Variants in HECW2 observed in about 807,000 individuals in gnomAD.
HECW2 encodes the protein HECT, C2 and WW domain containing E3 ubiquitin protein ligase 2.
Under a neutral mutation model 175.2 loss-of-function variants are expected in HECW2, and 61 were observed. That is an observed-to-expected ratio of 0.35 (90% CI 0.28 to 0.43). HECW2 has a LOEUF of 0.43. Ranked by LOEUF, HECW2 falls within the 20% of genes least tolerant of loss-of-function variation. The probability of loss-of-function intolerance (pLI) is 1.00; values close to 1 mark genes in which losing one functional copy is unlikely to be tolerated. For synonymous variants in HECW2, 671 were observed against 731.0 expected (o/e 0.92, Z 1.32); for missense variants, 1,524 against 2,000.5 (o/e 0.76, Z 4.54).
At chr2:196,474,945 G>A (rs771843753) in intron 1 of HECW2, among the ~76,000 whole-genome samples, 36 of 152,200 alleles carry the variant, frequency 2.4e-4, no homozygotes, top group African/African-American at 7.2e-4. Context: ...TCACACGCCC[G>A]CACCTGATCC....
At chr2:196,229,858 T>A (rs1687985924) in intron 21 of HECW2, among the ~76,000 whole-genome samples, 1 of 152,254 alleles carries the variant, frequency 6.6e-6, no homozygotes, top group Non-Finnish European at 1.5e-5. Flanking sequence ...TCTTACACAA[T>A]CTTTATAAAG....
chr2:196,267,303 T>C (rs1689554356), intron 17 of HECW2, among the ~76,000 whole-genome samples: 1 of 152,236 alleles, frequency 6.6e-6, no homozygotes, highest in South Asian at 2.1e-4. Flanking sequence ...CATTCACCTA[T>C]AAAATACTGT....
intron 10 of HECW2, among the ~76,000 whole-genome samples, chr2:196,312,644 C>T (rs914594328): frequency 6.6e-6 from 1 of 152,076 alleles, no homozygotes; most frequent in African/African-American, 2.4e-5. Context: ...ATGCTGATGG[C>T]GTGGCCTGCC....
At chr2:196,320,917 G>T (rs909251599) in intron 7 of HECW2, among the ~76,000 whole-genome samples, 2 of 152,238 alleles carry the variant, frequency 1.3e-5, no homozygotes, top group African/African-American at 4.8e-5. Flanking sequence ...AACATGGCAC[G>T]TAGGGCACTG....
At chr2:196,367,897 G>T (rs1693791418) in intron 2 of HECW2, among the ~76,000 whole-genome samples, 1 of 138,710 alleles carries the variant, frequency 7.2e-6, no homozygotes, top group Non-Finnish European at 1.5e-5. Flanking sequence ...TGTGTGTATG[G>T]TACATAGATA....
chr2:196,354,498 G>A (rs372726987), intron 2 of HECW2, among the ~76,000 whole-genome samples: 1 of 152,222 alleles, frequency 6.6e-6, no homozygotes, highest in East Asian at 1.9e-4. Context: ...ACTAGACAGG[G>A]TGCCTCCTGC....
chr2:196,295,366 T>C (rs1690770391), intron 13 of HECW2, among the ~76,000 whole-genome samples: 1 of 152,210 alleles, frequency 6.6e-6, no homozygotes, highest in Non-Finnish European at 1.5e-5. Flanking sequence ...TTAAATACAA[T>C]CAGCAAGGCA....
At chr2:196,507,976 A>AG (rs1687824631) in intron 1 of HECW2, among the ~76,000 whole-genome samples, 1 of 152,232 alleles carries the variant, frequency 6.6e-6, no homozygotes, top group African/African-American at 2.4e-5. Context: ...CTCTGGAAGC[A>AG]GGGGTCCATT....
At chr2:196,560,608 A>C (rs951446172) in intron 1 of HECW2, among the ~76,000 whole-genome samples, 4 of 152,222 alleles carry the variant, frequency 2.6e-5, no homozygotes, top group Non-Finnish European at 4.4e-5. Flanking sequence ...TACAGAAATA[A>C]TTGATACAAT....
At chr2:196,377,354 C>A (rs1694079508) in intron 2 of HECW2, among the ~76,000 whole-genome samples, 1 of 152,132 alleles carries the variant, frequency 6.6e-6, no homozygotes, top group Admixed American at 6.5e-5. Context: ...TGTTCTCACG[C>A]TGCTCATAAA....
At chr2:196,371,076 A>T (rs757539796) in intron 2 of HECW2, among the ~76,000 whole-genome samples, 1 of 152,130 alleles carries the variant, frequency 6.6e-6, no homozygotes, top group Non-Finnish European at 1.5e-5. Flanking sequence ...GTAAGAGGAC[A>T]ATCAGTGGAG....
intron 1 of HECW2, among the ~76,000 whole-genome samples, chr2:196,587,934 C>T (rs1024379942): frequency 2.6e-5 from 4 of 152,166 alleles, no homozygotes; most frequent in Admixed American, 2.6e-4. Context: ...AATCTTTGAA[C>T]ATATCCAAAC....
intron 1 of HECW2, among the ~76,000 whole-genome samples, chr2:196,556,087 C>T (rs1027043152): frequency 6.6e-6 from 1 of 152,158 alleles, no homozygotes; most frequent in East Asian, 1.9e-4. Flanking sequence ...CTTCATAATA[C>T]TTAGCACAGT....
At chr2:196,227,093 G>A (rs939769100) in intron 22 of HECW2, among the ~76,000 whole-genome samples, 4 of 152,196 alleles carry the variant, frequency 2.6e-5, no homozygotes, top group Non-Finnish European at 5.9e-5. Context: ...ATGTCCAGCA[G>A]TATGGTTCCT....
intron 17 of HECW2, among the ~76,000 whole-genome samples, chr2:196,264,744 TTAGA>T: frequency 6.6e-6 from 1 of 152,286 alleles, no homozygotes; most frequent in Middle Eastern, 3.4e-3. Context: ...AATGTGAAAA[TTAGA>T]TATATACGTG....
intron 2 of HECW2, 68 bp downstream of exon 2, chr2:196,433,064 T>C (rs1349804976): frequency 2.8e-6 from 4 of 1,427,206 alleles, no homozygotes; most frequent in Non-Finnish European, 2.9e-6. Flanking sequence ...AAATACAGAA[T>C]GGTAAAAATG....
chr2:196,456,109 C>A (rs1467094341), intron 1 of HECW2, among the ~76,000 whole-genome samples: 9 of 151,970 alleles, frequency 5.9e-5, no homozygotes, highest in African/African-American at 2.2e-4. Context: ...ATAAATCATG[C>A]CCCTAAATTG....
intron 2 of HECW2, among the ~76,000 whole-genome samples, chr2:196,344,156 G>T (rs1159531164): frequency 6.6e-6 from 1 of 151,962 alleles, no homozygotes; most frequent in African/African-American, 2.4e-5. Flanking sequence ...GAATATAACA[G>T]AATTCAAGAT....
intron 21 of HECW2, among the ~76,000 whole-genome samples, chr2:196,233,783 C>T (rs1335610765): frequency 6.6e-6 from 1 of 152,132 alleles, no homozygotes; most frequent in East Asian, 1.9e-4. Context: ...ATAAAGTGTA[C>T]CTTGAAGCTT....
Sources: gnomAD v4.1 joint callset for allele counts (sites outside exome capture counted in the v4.1 genomes callset) on GRCh38, gnomAD v4.1.1 for gene constraint, MANE v1.5 for transcripts, NCBI Gene and HGNC (gene_info 2026-07-23, HGNC 2026-07-21) for gene names.